Variants in CWH43 observed in about 807,000 individuals in gnomAD.
The protein encoded by CWH43 is PGAP2-interacting protein.
A neutral mutation model predicts 85.7 loss-of-function variants in CWH43; 91 were observed. That is an observed-to-expected ratio of 1.06 (90% CI 0.90 to 1.26). The LOEUF (loss-of-function observed/expected upper bound fraction) is 1.26. Among genes scored for constraint, CWH43 ranks in the 50% most tolerant of loss-of-function variants. The pLI is 0.00. For missense variants in CWH43, 869 were observed against 839.2 expected, an observed-to-expected ratio of 1.04 and a Z score of -0.44; for synonymous variants, 323 against 293.6, an observed-to-expected ratio of 1.10 and a Z score of -1.02.
At chr4:49,059,910 G>C (rs180927068) in intron 15 of CWH43, among the ~76,000 whole-genome samples, 2 of 152,272 alleles carry the variant, frequency 1.3e-5, no homozygotes, top group East Asian at 1.9e-4. Context: ...AATGAACCTG[G>C]TGCCTGGATC....
intron 14 of CWH43, among the ~76,000 whole-genome samples, chr4:49,049,879 T>G (rs1299327558): frequency 6.6e-6 from 1 of 152,218 alleles, no homozygotes; most frequent in African/African-American, 2.4e-5. Flanking sequence ...CAGTGCTTAC[T>G]TATCTATCAC....
At chr4:49,041,701 T>C (rs1262707538) in intron 13 of CWH43, among the ~76,000 whole-genome samples, 1 of 152,160 alleles carries the variant, frequency 6.6e-6, no homozygotes, top group African/African-American at 2.4e-5. Flanking sequence ...GTGTGGTGTT[T>C]GGAATCTGTG....
chr4:49,049,135 G>T (rs1297135447), intron 14 of CWH43, among the ~76,000 whole-genome samples: 1 of 152,170 alleles, frequency 6.6e-6, no homozygotes, highest in Non-Finnish European at 1.5e-5. Flanking sequence ...ATTTGCTAAA[G>T]ACAGTGACCT....
At chr4:49,003,675 A>C in intron 6 of CWH43, 60 bp from the exon 7 acceptor site, 1 of 1,576,808 alleles carries the variant, frequency 6.3e-7, no homozygotes, top group East Asian at 2.2e-5. Flanking sequence ...AAGGCTATAA[A>C]TTGGTCATCC....
chr4:49,040,729 C>A (rs1784432930), intron 13 of CWH43, among the ~76,000 whole-genome samples: 1 of 152,174 alleles, frequency 6.6e-6, no homozygotes, highest in African/African-American at 2.4e-5. Flanking sequence ...CTTTGCTGTG[C>A]AGAAGCTCTT....
intron 9 of CWH43, among the ~76,000 whole-genome samples, chr4:49,020,299 A>T (rs1445666512): frequency 6.6e-6 from 1 of 151,554 alleles, no homozygotes; most frequent in Non-Finnish European, 1.5e-5. Flanking sequence ...GAGTCACTTC[A>T]CTTAGAGTAA....
At chr4:49,037,726 C>T (rs950971896) in intron 12 of CWH43, among the ~76,000 whole-genome samples, 6 of 152,130 alleles carry the variant, frequency 3.9e-5, no homozygotes, top group East Asian at 1.9e-4. Context: ...TGAGTTATCA[C>T]GTTAGTGATT....
intron 14 of CWH43, among the ~76,000 whole-genome samples, chr4:49,050,120 A>G (rs1180618322): frequency 1.3e-5 from 2 of 152,240 alleles, no homozygotes; most frequent in African/African-American, 4.8e-5. Flanking sequence ...GTAATAAAAT[A>G]AAATGAATTC....
intron 5 of CWH43, 106 bp downstream of exon 5, chr4:48,994,926 C>T (rs1395143999): frequency 2.3e-6 from 2 of 886,424 alleles, no homozygotes; most frequent in African/African-American, 1.7e-5. Flanking sequence ...TATTTCATAC[C>T]ACTCTCCCTA....
At chr4:49,032,114 G>A (rs1273982976) in intron 11 of CWH43, among the ~76,000 whole-genome samples, 2 of 152,230 alleles carry the variant, frequency 1.3e-5, no homozygotes, top group Non-Finnish European at 2.9e-5. Context: ...ACTGAGCTCT[G>A]TGGCTTAGAG....
chr4:49,039,353 A>ATG (rs72014834), intron 13 of CWH43, among the ~76,000 whole-genome samples: 16 of 37,732 alleles, frequency 4.2e-4, no homozygotes, highest in South Asian at 1.8e-3. Flanking sequence ...ATATATACTG[A>ATG]TATATATATA....
intron 1 of CWH43, chr4:48,986,898 G>A: frequency 1.3e-6 from 1 of 773,376 alleles, no homozygotes; most frequent in Non-Finnish European, 1.6e-6. Context: ...AGGAGCTGTA[G>A]GTGGACACTG....
intron 12 of CWH43, among the ~76,000 whole-genome samples, chr4:49,035,912 TATCAGAAGGAATAGA>T (rs913368982): frequency 6.6e-6 from 1 of 152,144 alleles, no homozygotes; most frequent in African/African-American, 2.4e-5. Context: ...TTGTTGTAGG[TATCAGAAGGAATAGA>T]ATTCCCTGCA....
At chr4:49,044,129 C>T (rs1209472194) in intron 13 of CWH43, among the ~76,000 whole-genome samples, 1 of 152,062 alleles carries the variant, frequency 6.6e-6, no homozygotes, top group Non-Finnish European at 1.5e-5. Context: ...ATAAACACCT[C>T]ATATTTATAG....
chr4:49,035,376 A>C (rs533995809), intron 12 of CWH43, among the ~76,000 whole-genome samples: 2 of 152,252 alleles, frequency 1.3e-5, no homozygotes, highest in Non-Finnish European at 2.9e-5. Context: ...GAAGTCACTC[A>C]GGCAAACACC....
At chr4:49,012,360 T>A (rs2109775497) in intron 8 of CWH43, among the ~76,000 whole-genome samples, 1 of 152,346 alleles carries the variant, frequency 6.6e-6, no homozygotes, top group Non-Finnish European at 1.5e-5. Context: ...TTTATTCTAG[T>A]TAGCCATTCG....
In CWH43 at chr4:49,017,310, G is replaced by C; in HGVS notation, c.1248G>C (p.Glu416Asp). 6.2e-7 allele frequency: 1 copy of C among 1,610,894 alleles called. No homozygotes were observed. The highest frequency in any genetic ancestry group is 8.5e-7 in the Non-Finnish European group (1 of 1,177,908). ...TAGGACTACGGCATAAAGCCTATGA[G>C]AGAAAACTGGGCAAAGTGGTAAGTA... The part of the protein sequence containing the change: ...LGLGLRHKAY[E>D]RKLGKVAPTK... Residue 416 changes from glutamate to aspartate, a missense_variant, in exon 9 of 16, where the codon GAG (glutamate) becomes GAC (aspartate). This residue lies in a region of CWH43 where 577 missense variants were observed against 513.1 expected (regional missense o/e 1.12). Coordinates refer to ENST00000226432, the MANE Select transcript of CWH43 (RefSeq NM_025087.3).
At position 49,038,064 on chromosome 4, in the gene CWH43, A is replaced by C. The variant is rs534414846; in HGVS notation, c.1687A>C (p.Ile563Leu). Reference protein sequence around the residue: ...EDDLDRKLQAIAVSKLLKSSS... With the variant: ...EDDLDRKLQALAVSKLLKSSS... ...TGACCTCGACAGGAAACTGCAGGCT[A>C]TTGCTGTTTCAAAACTACTGAAAAG... The change falls in exon 13 of 16, where the codon ATT becomes CTT. Residue 563 changes from isoleucine to leucine, a missense_variant. Physicochemically the swap from Ile to Leu is conservative, Grantham distance 5 (BLOSUM62 2). Transcript: ENST00000226432. The C allele has an allele frequency of 3.1e-6, 5 of 1,612,082 alleles. No individual in the cohort carries two copies. The Admixed American group carries it at 5.0e-5, about 16-fold the overall frequency.
intron 6 of CWH43, among the ~76,000 whole-genome samples, chr4:49,000,912 G>C (rs1782969342): frequency 6.6e-6 from 1 of 152,150 alleles, no homozygotes; most frequent in Admixed American, 6.5e-5. Flanking sequence ...TAATTCACCA[G>C]CTTCATCTTC....
Sources: allele counts gnomAD v4.1 joint callset (sites outside exome capture counted in the v4.1 genomes callset), GRCh38; gene constraint gnomAD v4.1.1; regional missense constraint gnomAD v4.1.1; transcripts MANE v1.5; gene names NCBI Gene and HGNC (gene_info 2026-07-23, HGNC 2026-07-21).